The following SSH2 variants were observed in gnomAD, a reference collection of about 807,000 sequenced individuals.
SSH2 encodes the protein protein phosphatase Slingshot homolog 2.
SSH2 carries 37 observed loss-of-function variants against 135.2 expected under a neutral mutation model. The observed-to-expected ratio is 0.27, with a 90% confidence interval of 0.21 to 0.36. The LOEUF (loss-of-function observed/expected upper bound fraction) is 0.36. SSH2 is among the 10% of genes least tolerant of loss of function. The pLI, the probability that SSH2 is intolerant of heterozygous loss-of-function variation, is 1.00. For synonymous variants in SSH2, 628 were observed against 646.2 expected, an observed-to-expected ratio of 0.97 and a Z score of 0.43; for missense variants, 1,408 against 1,765.3, an observed-to-expected ratio of 0.80 and a Z score of 3.63.
chr17:29,860,374 T>C (rs2151404931), intron 1 of SSH2, among the ~76,000 whole-genome samples: 1 of 152,276 alleles, frequency 6.6e-6, no homozygotes, highest in Admixed American at 6.5e-5. Flanking sequence ...GAGCTTTTTT[T>C]CATATGATTG....
chr17:29,835,676 G>T (rs1236464557), intron 2 of SSH2, among the ~76,000 whole-genome samples: 1 of 152,232 alleles, frequency 6.6e-6, no homozygotes, highest in South Asian at 2.1e-4. Context: ...AGCTAGAGCA[G>T]ATTTTCAGCT....
At chr17:29,894,947 A>C (rs2066417159) in intron 1 of SSH2, among the ~76,000 whole-genome samples, 1 of 148,390 alleles carries the variant, frequency 6.7e-6, no homozygotes, top group Admixed American at 6.9e-5. Context: ...CATGGTTTTC[A>C]AGACAAAATT....
intron 2 of SSH2, among the ~76,000 whole-genome samples, chr17:29,800,901 T>C (rs1199579152): frequency 6.6e-6 from 1 of 151,686 alleles, no homozygotes; most frequent in African/African-American, 2.4e-5. Context: ...AGTCTCACTC[T>C]GTTACCCAGG....
intron 1 of SSH2, among the ~76,000 whole-genome samples, chr17:29,878,245 T>A (rs2066071620): frequency 6.6e-6 from 1 of 152,030 alleles, no homozygotes; most frequent in Non-Finnish European, 1.5e-5. Context: ...CTGACCAACA[T>A]GGAGAAACCC....
chr17:29,762,534 C>T (rs567470803), intron 3 of SSH2, among the ~76,000 whole-genome samples: 3 of 152,264 alleles, frequency 2.0e-5, no homozygotes, highest in African/African-American at 2.4e-5. Context: ...AGCAGATGAC[C>T]TCGTTTATAA....
intron 13 of SSH2, among the ~76,000 whole-genome samples, chr17:29,649,055 T>C (rs553426631): frequency 5.9e-5 from 9 of 151,676 alleles, no homozygotes; most frequent in African/African-American, 2.2e-4. Context: ...GCAGGAGAAT[T>C]GCTTAAACCT....
chr17:29,752,293 A>G (rs1191543556), intron 3 of SSH2, among the ~76,000 whole-genome samples: 1 of 152,194 alleles, frequency 6.6e-6, no homozygotes, highest in African/African-American at 2.4e-5. Context: ...TTTGTCTACT[A>G]AAGGTGTAAT....
intron 1 of SSH2, among the ~76,000 whole-genome samples, chr17:29,880,192 G>C (rs2066111658): frequency 1.3e-5 from 2 of 152,186 alleles, no homozygotes; most frequent in Admixed American, 1.3e-4. Context: ...CACAATCACA[G>C]CTCACTGCAG....
intron 6 of SSH2, among the ~76,000 whole-genome samples, chr17:29,681,721 C>G (rs946644240): frequency 1.1e-4 from 17 of 152,152 alleles, no homozygotes; most frequent in African/African-American, 4.1e-4. Flanking sequence ...GAATTGGCTG[C>G]AACGTATTAT....
chr17:29,778,840 A>C, intron 3 of SSH2, among the ~76,000 whole-genome samples: 1 of 126,752 alleles, frequency 7.9e-6, no homozygotes, highest in African/African-American at 3.5e-5. Context: ...TCTCCCAAAA[A>C]AAAAAAAAAA....
intron 1 of SSH2, among the ~76,000 whole-genome samples, chr17:29,912,605 A>G (rs535730121): frequency 6.6e-6 from 1 of 152,204 alleles, no homozygotes; most frequent in East Asian, 1.9e-4. Flanking sequence ...GTATGCAACT[A>G]TAGTCCTAAC....
intron 2 of SSH2, among the ~76,000 whole-genome samples, chr17:29,805,586 G>A (rs1217204897): frequency 6.6e-6 from 1 of 152,180 alleles, no homozygotes; most frequent in Non-Finnish European, 1.5e-5. Context: ...CAAGGCGGAT[G>A]TGTTTATCAG....
In SSH2 at chr17:29,684,567, C is replaced by G. The variant is rs1187618605; in HGVS notation, c.475G>C (p.Asp159His). 1 of 1,608,982 alleles carries G rather than the reference C, an allele frequency of 6.2e-7. No homozygotes were observed. Among genetic ancestry groups the G allele is most frequent in the African/African-American group, 1.3e-5 (1 of 74,470 alleles). ...TTTGAAATGGTACCACCATACCTGT[C>G]ATTAGAGGAGAAATCCATTCCTAGG... is the stretch of plus-strand genomic sequence containing the variant. Reference protein sequence around the residue: ...IVLGMDFSSNDSSTCTMGLVL... With the variant: ...IVLGMDFSSNHSSTCTMGLVL... Residue 159 changes from aspartate to histidine, a missense_variant, in exon 6 of 16, where the codon GAC (aspartate) becomes CAC (histidine). Coordinates refer to ENST00000540801, the MANE Select transcript of SSH2 (RefSeq NM_001282129.2).
intron 1 of SSH2, among the ~76,000 whole-genome samples, chr17:29,872,723 G>A (rs1446184271): frequency 6.6e-6 from 1 of 152,080 alleles, no homozygotes; most frequent in Non-Finnish European, 1.5e-5. Context: ...GGGGCCGGGT[G>A]GGGTGGCTCA....
intron 2 of SSH2, among the ~76,000 whole-genome samples, chr17:29,798,373 G>A (rs1393772606): frequency 1.3e-5 from 2 of 151,736 alleles, no homozygotes; most frequent in Non-Finnish European, 2.9e-5. Context: ...TGGCCAGGGT[G>A]GTCTCGAACT....
chr17:29,633,309 C>A (rs1475499752), intron 15 of SSH2, among the ~76,000 whole-genome samples: 1 of 152,186 alleles, frequency 6.6e-6, no homozygotes, highest in African/African-American at 2.4e-5. Context: ...TAAATGAAAC[C>A]TTTCCCCCGT....
chr17:29,779,710 TG>T (rs1052916352), intron 3 of SSH2, among the ~76,000 whole-genome samples: 1 of 140,626 alleles, frequency 7.1e-6, no homozygotes, highest in Non-Finnish European at 1.5e-5. Context: ...CCCAGCTACT[TG>T]GGGGGCTGAG....
chr17:29,672,789 C>T (rs963215825), intron 8 of SSH2, among the ~76,000 whole-genome samples: 3 of 152,174 alleles, frequency 2.0e-5, no homozygotes, highest in Non-Finnish European at 4.4e-5. Context: ...CTGCAACCTC[C>T]ACCTCCTGGG....
intron 1 of SSH2, among the ~76,000 whole-genome samples, chr17:29,872,927 C>T (rs573900890): frequency 6.0e-4 from 89 of 148,040 alleles, no homozygotes; most frequent in Non-Finnish European, 1.0e-3. Flanking sequence ...ACCGGGGAGG[C>T]AAAGACTGCA....
Sources: allele counts gnomAD v4.1 joint callset (sites outside exome capture counted in the v4.1 genomes callset), GRCh38; gene constraint gnomAD v4.1.1; transcripts MANE v1.5; gene names NCBI Gene and HGNC (gene_info 2026-07-23, HGNC 2026-07-21).